The following PAN3 variants were observed in gnomAD, a reference collection of about 807,000 sequenced individuals.
PAN3 encodes PAN2-PAN3 deadenylation complex subunit PAN3.
A neutral mutation model predicts 96.2 loss-of-function variants in PAN3; 19 were observed. The observed-to-expected ratio is 0.20, with a 90% CI of 0.14 to 0.29. The LOEUF (loss-of-function observed/expected upper bound fraction) is 0.29. PAN3 is among the 10% of genes least tolerant of loss of function. The pLI is 1.00. For missense variants in PAN3, 882 were observed against 1,108.1 expected (o/e 0.80, Z 2.90); for synonymous variants, 433 against 406.6 (o/e 1.06, Z -0.78).
intron 1 of PAN3, among the ~76,000 whole-genome samples, chr13:28,155,009 T>A (rs1333031689): frequency 6.6e-6 from 1 of 150,416 alleles, no homozygotes. Flanking sequence ...TTTTTTTTTT[T>A]AGTAGAGACG....
chr13:28,141,509 C>T (rs1438206553), intron 1 of PAN3, among the ~76,000 whole-genome samples: 25 of 100,986 alleles, frequency 2.5e-4, no homozygotes, highest in Non-Finnish European at 4.1e-4. Flanking sequence ...CTCTTGTTTA[C>T]GAGGCTGGAG....
At chr13:28,256,904 A>C (rs960087787) in intron 7 of PAN3, among the ~76,000 whole-genome samples, 1 of 152,218 alleles carries the variant, frequency 6.6e-6, no homozygotes, top group African/African-American at 2.4e-5. Context: ...TAGAAAAAGT[A>C]GATGGTATGT....
At chr13:28,207,473 A>G (rs1458654356) in intron 5 of PAN3, among the ~76,000 whole-genome samples, 1 of 152,194 alleles carries the variant, frequency 6.6e-6, no homozygotes, top group Non-Finnish European at 1.5e-5. Flanking sequence ...GAAGGCATCC[A>G]AGCTGCTCCT....
At chr13:28,180,122 T>C (rs975213320) in intron 4 of PAN3, among the ~76,000 whole-genome samples, 1 of 152,174 alleles carries the variant, frequency 6.6e-6, no homozygotes, top group Non-Finnish European at 1.5e-5. Context: ...TGGCCAACTT[T>C]CTAGGCTGTA....
At chr13:28,189,070 C>G (rs1876866468) in intron 4 of PAN3, among the ~76,000 whole-genome samples, 1 of 152,196 alleles carries the variant, frequency 6.6e-6, no homozygotes, top group Non-Finnish European at 1.5e-5. Flanking sequence ...ACCTTCTGTT[C>G]TTTCCTTTGA....
rs1876401567 is a variant in PAN3, at chr13:28,185,898, A to G, written c.690+7963A>G. ...CTATTTGCGAAGTGTAGTAGCTGATATTTAGGGGCCTAGCATTATTGATAG... is the reference window on the plus strand; with the variant it reads ...CTATTTGCGAAGTGTAGTAGCTGATGTTTAGGGGCCTAGCATTATTGATAG... On this transcript the variant is annotated intron_variant, in intron 4 of 18. Coordinates refer to ENST00000380958, the MANE Select transcript of PAN3 (RefSeq NM_175854.8). Among the ~76,000 whole-genome samples the G allele has an allele frequency of 5.3e-5, 8 of 152,272 alleles. No individual in the cohort carries two copies. In the South Asian group the frequency reaches 1.7e-3, roughly 32 times the overall value.
intron 6 of PAN3, among the ~76,000 whole-genome samples, chr13:28,239,146 ACC>A (rs1883376915): frequency 4.1e-4 from 12 of 29,534 alleles, no homozygotes; most frequent in East Asian, 2.2e-3. Flanking sequence ...CACCCCCCCC[ACC>A]CCCCACCCCC....
chr13:28,189,752 C>T (rs1160409308), intron 4 of PAN3, among the ~76,000 whole-genome samples: 2 of 152,116 alleles, frequency 1.3e-5, no homozygotes, highest in African/African-American at 4.8e-5. Context: ...CATCTGCAGT[C>T]TTGGGAGCGT....
intron 5 of PAN3, chr13:28,215,766 C>T: frequency 1.4e-6 from 2 of 1,457,194 alleles, no homozygotes; most frequent in Non-Finnish European, 1.9e-6. Context: ...AGACCATCCT[C>T]TTCTGAGTTG....
At chr13:28,193,364 A>G (rs1593445472) in intron 4 of PAN3, among the ~76,000 whole-genome samples, 1 of 152,170 alleles carries the variant, frequency 6.6e-6, no homozygotes, top group Non-Finnish European at 1.5e-5. Flanking sequence ...GAAGGAGAGG[A>G]ATGATGAATT....
chr13:28,257,112 G>A (rs1885210327), intron 7 of PAN3, among the ~76,000 whole-genome samples: 2 of 152,126 alleles, frequency 1.3e-5, no homozygotes, highest in Admixed American at 1.3e-4. Flanking sequence ...CAAAGGACTG[G>A]CGATGAAGTG....
At chr13:28,139,507 GGTGTGTTT>G (rs1375086844) in intron 1 of PAN3, among the ~76,000 whole-genome samples, 1 of 111,690 alleles carries the variant, frequency 9.0e-6, no homozygotes, top group Non-Finnish European at 1.7e-5. Context: ...AGTGGGGAGG[GGTGTGTTT>G]GTGTGTGTGT....
At chr13:28,194,466 A>ATTT (rs1284832933) in intron 4 of PAN3, among the ~76,000 whole-genome samples, 63 of 122,114 alleles carry the variant, frequency 5.2e-4, no homozygotes, top group African/African-American at 1.1e-3. Flanking sequence ...ATATATATAT[A>ATTT]TTTTTTTTTT....
chr13:28,216,940 A>AC (rs1345988307), intron 5 of PAN3, among the ~76,000 whole-genome samples: 1 of 151,630 alleles, frequency 6.6e-6, no homozygotes, highest in African/African-American at 2.4e-5. Flanking sequence ...ACATGGTGAA[A>AC]CCCCATCTCC....
chr13:28,274,832 A>G (rs1325232872), intron 14 of PAN3, among the ~76,000 whole-genome samples: 1 of 152,198 alleles, frequency 6.6e-6, no homozygotes, highest in African/African-American at 2.4e-5. Flanking sequence ...AAAGAATTAA[A>G]GATAGTCCCA....
rs145184869 is a variant in PAN3, at chr13:28,184,236, G to A, written c.690+6301G>A. Among the ~76,000 whole-genome samples the A allele has an allele frequency of 3.1e-3, 473 of 152,050 alleles. 3 individuals are homozygous for A. Among genetic ancestry groups the A allele is most frequent in the African/African-American group, 0.011 (453 of 41,462 alleles). ...TTATTTATATGAATGATGATTTTCC[G>A]TATTTGTTCCAGATAATATGGTAAA... On this transcript the variant is annotated intron_variant, in intron 4 of 18. Coordinates refer to ENST00000380958, the MANE Select transcript of PAN3 (RefSeq NM_175854.8).
rs1489213482 is a variant in PAN3, at chr13:28,256,681, CTCT to C, written c.1248+149_1248+151del. Reference sequence around the variant, plus strand: ...TTCTAACTTAGATGAGAAGTCTAGTCTCTTCTTCTCAACTCTTCAAATTAATCT... The same window carrying C: ...TTCTAACTTAGATGAGAAGTCTAGTCTCTTCTCAACTCTTCAAATTAATCT... On this transcript the variant is annotated intron_variant, in intron 7 of 18. Coordinates refer to ENST00000380958, the MANE Select transcript of PAN3 (RefSeq NM_175854.8). 11 of 889,642 alleles carry C rather than the reference CTCT, an allele frequency of 1.2e-5. No homozygotes were observed. The East Asian group carries it at 1.3e-4, about 11-fold the overall frequency. 55.1% of individuals were successfully genotyped at this position (889,642 alleles called of 1,614,324 possible).
At chr13:28,252,401 C>T (rs1419627519) in intron 6 of PAN3, among the ~76,000 whole-genome samples, 1 of 151,888 alleles carries the variant, frequency 6.6e-6, no homozygotes, top group African/African-American at 2.4e-5. Context: ...ATTTTCTAAT[C>T]ATTAATGAAT....
intron 7 of PAN3, 75 bp downstream of exon 7, chr13:28,256,614 C>T (rs936325720): frequency 7.0e-7 from 1 of 1,426,022 alleles, no homozygotes; most frequent in South Asian, 1.5e-5. Context: ...CGGTCTACCC[C>T]CTCCTGCAGC....
Sources: allele counts gnomAD v4.1 joint callset (sites outside exome capture counted in the v4.1 genomes callset), GRCh38; gene constraint gnomAD v4.1.1; transcripts MANE v1.5; gene names NCBI Gene and HGNC (gene_info 2026-07-23, HGNC 2026-07-21).